DGLUCY: variants seen among roughly 807,000 people sequenced by gnomAD.
The protein encoded by DGLUCY is D-glutamate cyclase, mitochondrial.
A neutral mutation model predicts 58.5 loss-of-function variants in DGLUCY; 58 were observed. That is an observed-to-expected ratio of 0.99 (90% CI 0.80 to 1.23). The LOEUF (loss-of-function observed/expected upper bound fraction) is 1.23, where lower values mean the gene tolerates loss of function less well. Ranked by LOEUF, DGLUCY falls within the 50% of genes most tolerant of loss-of-function variation. The pLI is 0.00. For synonymous variants in DGLUCY, 325 were observed against 314.1 expected (o/e 1.03, Z -0.37); for missense variants, 779 against 784.7 (o/e 0.99, Z 0.09).
chr14:91,215,097 C>T (rs1595942302), intron 12 of DGLUCY, among the ~76,000 whole-genome samples: 1 of 152,054 alleles, frequency 6.6e-6, no homozygotes, highest in Non-Finnish European at 1.5e-5. Context: ...TGCAGTGAGC[C>T]GAGATCGCAC....
chr14:91,135,809 G>A (rs1002401928), intron 1 of DGLUCY, among the ~76,000 whole-genome samples: 2 of 150,898 alleles, frequency 1.3e-5, no homozygotes, highest in African/African-American at 4.9e-5. Flanking sequence ...TGCATTTATT[G>A]AGATAGTATC....
intron 13 of DGLUCY, among the ~76,000 whole-genome samples, chr14:91,222,739 C>T (rs2140803453): frequency 6.6e-6 from 1 of 152,352 alleles, no homozygotes; most frequent in South Asian, 2.1e-4. Context: ...CTTTCATCAC[C>T]TCTGATCCTA....
intron 1 of DGLUCY, among the ~76,000 whole-genome samples, chr14:91,081,888 G>A (rs770305375): frequency 6.6e-6 from 1 of 151,804 alleles, no homozygotes; most frequent in Non-Finnish European, 1.5e-5. Flanking sequence ...TCACAGGTGC[G>A]TGCCACCACT....
intron 12 of DGLUCY, among the ~76,000 whole-genome samples, chr14:91,207,399 G>A (rs1479695304): frequency 6.6e-6 from 1 of 152,000 alleles, no homozygotes; most frequent in Admixed American, 6.6e-5. Flanking sequence ...ACTACAAAAG[G>A]TATAACCTAG....
At chr14:91,071,159 C>T (rs142720348) in intron 1 of DGLUCY, among the ~76,000 whole-genome samples, 5 of 151,200 alleles carry the variant, frequency 3.3e-5, no homozygotes, top group East Asian at 3.9e-4. Context: ...GGTGAAACCC[C>T]GTCTCTACTA....
At chr14:91,196,744 TAAAAA>T (rs146566022) in intron 10 of DGLUCY, among the ~76,000 whole-genome samples, 38 of 94,830 alleles carry the variant, frequency 4.0e-4, no homozygotes, top group East Asian at 3.2e-4. Flanking sequence ...GACATAGCAC[TAAAAA>T]AAAAAAAAAA....
intron 12 of DGLUCY, among the ~76,000 whole-genome samples, chr14:91,210,247 C>T (rs1051966479): frequency 6.6e-6 from 1 of 152,114 alleles, no homozygotes; most frequent in Admixed American, 6.6e-5. Context: ...TGGGGGGGAG[C>T]ATAACTGATA....
intron 1 of DGLUCY, among the ~76,000 whole-genome samples, chr14:91,085,085 G>C (rs1465762841): frequency 6.6e-6 from 1 of 151,992 alleles, no homozygotes; most frequent in Non-Finnish European, 1.5e-5. Flanking sequence ...AGCCTAGCAT[G>C]GTGGTGTGCA....
At chr14:91,224,083 A>G (rs1205841001) in intron 13 of DGLUCY, among the ~76,000 whole-genome samples, 1 of 152,212 alleles carries the variant, frequency 6.6e-6, no homozygotes, top group Non-Finnish European at 1.5e-5. Context: ...GATTTGACAC[A>G]TGCCCCACAT....
At chr14:91,118,959 TA>T (rs1360757012) in intron 1 of DGLUCY, among the ~76,000 whole-genome samples, 3 of 152,196 alleles carry the variant, frequency 2.0e-5, no homozygotes, top group African/African-American at 7.2e-5. Context: ...AAAGTCTACC[TA>T]AAAAGTTAAA....
intron 3 of DGLUCY, among the ~76,000 whole-genome samples, chr14:91,166,009 T>A (rs77586113): frequency 0.016 from 2,481 of 152,314 alleles, 63 homozygotes; most frequent in African/African-American, 0.054. Flanking sequence ...GCAGTGAGAA[T>A]GAACTATTGT....
In DGLUCY at chr14:91,204,695, C is replaced by T. The variant is rs1359148564; in HGVS notation, c.1445-11C>T. 9 of 1,613,190 alleles carry T rather than the reference C, an allele frequency of 5.6e-6. No homozygotes were observed. The highest frequency in any genetic ancestry group is 1.3e-5 in the African/African-American group (1 of 74,918). Reference sequence around the variant, plus strand: ...GGTCCCGTGCACTGACTCAGCTCCCCTTCCCTTCAGGAGTCGGTGATGGAG... The same window carrying T: ...GGTCCCGTGCACTGACTCAGCTCCCTTTCCCTTCAGGAGTCGGTGATGGAG... On this transcript the variant is annotated splice_polypyrimidine_tract_variant and intron_variant, in intron 11 of 13. Transcript: ENST00000256324.
At chr14:91,157,196 T>C (rs1333275589) in intron 1 of DGLUCY, among the ~76,000 whole-genome samples, 2 of 150,418 alleles carry the variant, frequency 1.3e-5, no homozygotes, top group South Asian at 2.1e-4. Context: ...GGTGGATAGA[T>C]GGATGGATGA....
intron 1 of DGLUCY, among the ~76,000 whole-genome samples, chr14:91,061,235 A>G (rs1304348336): frequency 6.6e-6 from 1 of 152,220 alleles, no homozygotes; most frequent in Non-Finnish European, 1.5e-5. Flanking sequence ...TACTCGCTCT[A>G]GTGAACCCTA....
chr14:91,097,619 C>G (rs924428096), intron 1 of DGLUCY, among the ~76,000 whole-genome samples: 1 of 151,934 alleles, frequency 6.6e-6, no homozygotes, highest in Non-Finnish European at 1.5e-5. Flanking sequence ...AGCTTGCCCA[C>G]CCTCACCTTG....
At chr14:91,185,633 A>G (rs1210793479) in intron 8 of DGLUCY, 2 of 151,540 alleles carry the variant, frequency 1.3e-5, no homozygotes, top group Non-Finnish European at 2.9e-5. Flanking sequence ...ATTCTTACCC[A>G]AGCTGATGGC....
intron 12 of DGLUCY, among the ~76,000 whole-genome samples, chr14:91,205,842 C>CTTTTTTT (rs36096639): frequency 1.4e-5 from 1 of 70,698 alleles, no homozygotes; most frequent in African/African-American, 6.3e-5. Context: ...TCTTCTTCTT[C>CTTTTTTT]TTTTTTTTTT....
At chr14:91,220,264 G>A (rs1053462663) in intron 13 of DGLUCY, among the ~76,000 whole-genome samples, 1 of 152,236 alleles carries the variant, frequency 6.6e-6, no homozygotes. Context: ...GTCTCCTCGA[G>A]TGGGGCCGTA....
intron 13 of DGLUCY, chr14:91,220,898 C>T (rs891608841): frequency 2.3e-5 from 8 of 349,054 alleles, no homozygotes; most frequent in African/African-American, 1.5e-4. Flanking sequence ...AAGCCAATGC[C>T]AGGAAGCTGA....
Sources: allele counts gnomAD v4.1 joint callset (sites outside exome capture counted in the v4.1 genomes callset), GRCh38; gene constraint gnomAD v4.1.1; transcripts MANE v1.5; gene names NCBI Gene and HGNC (gene_info 2026-07-23, HGNC 2026-07-21).